PCMTD1: variants seen among roughly 807,000 people sequenced by gnomAD.
The protein encoded by PCMTD1 is protein-L-isoaspartate (D-aspartate) O-methyltransferase domain containing 1.
PCMTD1 carries 12 observed loss-of-function variants against 37.6 expected under a neutral mutation model. The ratio of observed to expected loss-of-function variants is 0.32; its 90% CI spans 0.20 to 0.52. The LOEUF is 0.52. Ranked by LOEUF, PCMTD1 falls within the 20% of genes least tolerant of loss-of-function variation. PCMTD1 has a pLI of 0.97. For synonymous variants in PCMTD1, 117 were observed against 135.8 expected (o/e 0.86, Z 0.96); for missense variants, 235 against 421.3 (o/e 0.56, Z 3.87).
At chr8:51,885,314 C>T (rs1473576153) in intron 1 of PCMTD1, among the ~76,000 whole-genome samples, 1 of 152,188 alleles carries the variant, frequency 6.6e-6, no homozygotes, top group Non-Finnish European at 1.5e-5. Context: ...CCTGTCACCA[C>T]ATTTTCTGTG....
chr8:51,871,851 T>A (rs1035746715), intron 1 of PCMTD1, among the ~76,000 whole-genome samples: 2 of 152,202 alleles, frequency 1.3e-5, no homozygotes, highest in Non-Finnish European at 2.9e-5. Context: ...TTGACTATCT[T>A]TCTTCCCCTA....
intron 5 of PCMTD1, among the ~76,000 whole-genome samples, chr8:51,830,000 C>T (rs971230534): frequency 5.3e-5 from 8 of 152,122 alleles, no homozygotes; most frequent in African/African-American, 1.9e-4. Context: ...CTAAGTCAAA[C>T]CAATTAATAC....
chr8:51,822,138 G>C (rs2037857894), intron 5 of PCMTD1, among the ~76,000 whole-genome samples: 1 of 152,172 alleles, frequency 6.6e-6, no homozygotes, highest in Non-Finnish European at 1.5e-5. Flanking sequence ...TGCGGGCAGA[G>C]GGAACCTAAA....
chr8:51,857,405 CAAGAAA>C (rs1295070391), intron 2 of PCMTD1, among the ~76,000 whole-genome samples: 1 of 152,048 alleles, frequency 6.6e-6, no homozygotes, highest in African/African-American at 2.4e-5. Context: ...ATGGTTTATA[CAAGAAA>C]ATGAAAATGA....
intron 1 of PCMTD1, among the ~76,000 whole-genome samples, chr8:51,896,550 A>G (rs1440515363): frequency 6.6e-6 from 1 of 152,210 alleles, no homozygotes; most frequent in Admixed American, 6.5e-5. Context: ...ACAATTTACA[A>G]TAACATCCCA....
rs551230906 is a variant in PCMTD1 at position 51,827,380 on chromosome 8, A to G, written c.706+4064T>C. 460 of 739,014 alleles carry G rather than the reference A, an allele frequency of 6.2e-4. 1 individual carries two copies. The highest frequency in any genetic ancestry group is 1.2e-3 in the South Asian group (86 of 69,580). The allele number at this position is 739,014 out of a possible 1,614,324, so 45.8% of individuals were successfully genotyped here. On this transcript the variant is annotated intron_variant, in intron 5 of 5. Coordinates refer to ENST00000522514, the MANE Select transcript of PCMTD1 (RefSeq NM_052937.4). ...CCAAGGTCTGAAAATATTAAATGGA[A>G]AAATTGAGAAATAAGCAATTCATAT...
chr8:51,824,257 G>A (rs1400485709), intron 5 of PCMTD1, among the ~76,000 whole-genome samples: 4 of 152,160 alleles, frequency 2.6e-5, no homozygotes, highest in African/African-American at 9.7e-5. Context: ...AAGTCAAATT[G>A]TCTCTGTTTG....
chr8:51,892,618 G>C (rs1390104086), intron 1 of PCMTD1, among the ~76,000 whole-genome samples: 1 of 152,172 alleles, frequency 6.6e-6, no homozygotes, highest in Non-Finnish European at 1.5e-5. Flanking sequence ...GAAACTAAAT[G>C]CTCATTAGTA....
intron 1 of PCMTD1, among the ~76,000 whole-genome samples, chr8:51,893,884 T>C (rs1585864842): frequency 6.6e-6 from 1 of 152,340 alleles, no homozygotes; most frequent in South Asian, 2.1e-4. Flanking sequence ...TTACCAGTGA[T>C]CATTTTCATA....
intron 1 of PCMTD1, among the ~76,000 whole-genome samples, chr8:51,879,947 C>A (rs979837925): frequency 4.6e-4 from 70 of 152,004 alleles, no homozygotes; most frequent in African/African-American, 1.6e-3. Context: ...CCTTGGAATG[C>A]CAAGGCTGGA....
chr8:51,860,031 T>A (rs928908563), intron 2 of PCMTD1, among the ~76,000 whole-genome samples: 1 of 152,202 alleles, frequency 6.6e-6, no homozygotes, highest in Non-Finnish European at 1.5e-5. Flanking sequence ...TCATCCTCCA[T>A]CCAACATAAT....
chr8:51,855,175 A>C (rs1411818476), intron 2 of PCMTD1, among the ~76,000 whole-genome samples: 1 of 138,678 alleles, frequency 7.2e-6, no homozygotes, highest in African/African-American at 2.7e-5. Flanking sequence ...ACTCCATCTC[A>C]AAAAAAAAAA....
At chr8:51,862,115 A>C (rs1409958631) in intron 1 of PCMTD1, among the ~76,000 whole-genome samples, 1 of 152,226 alleles carries the variant, frequency 6.6e-6, no homozygotes, top group Non-Finnish European at 1.5e-5. Flanking sequence ...AGTTGATTTT[A>C]AATTTCTGAA....
intron 3 of PCMTD1, chr8:51,839,416 C>A: frequency 1.0e-6 from 1 of 981,716 alleles, no homozygotes; most frequent in Non-Finnish European, 1.2e-6. Flanking sequence ...GAAGACTTGC[C>A]CAAAATAACA....
intron 4 of PCMTD1, among the ~76,000 whole-genome samples, chr8:51,831,800 C>T (rs903317562): frequency 1.3e-5 from 2 of 152,148 alleles, no homozygotes; most frequent in Non-Finnish European, 2.9e-5. Context: ...TCAAATATGG[C>T]CAAGTGAGTC....
intron 4 of PCMTD1, among the ~76,000 whole-genome samples, chr8:51,833,209 C>A (rs538952619): frequency 2.0e-5 from 3 of 152,100 alleles, no homozygotes; most frequent in Admixed American, 2.0e-4. Flanking sequence ...TAGTAGAGAT[C>A]ATCACATTCA....
chr8:51,842,000 A>C, intron 3 of PCMTD1, among the ~76,000 whole-genome samples: 1 of 151,438 alleles, frequency 6.6e-6, no homozygotes, highest in East Asian at 1.9e-4. Context: ...GAGACCATCT[A>C]GCTTAGCAAG....
intron 1 of PCMTD1, among the ~76,000 whole-genome samples, chr8:51,886,798 C>T (rs1262094861): frequency 6.6e-6 from 1 of 152,100 alleles, no homozygotes; most frequent in Non-Finnish European, 1.5e-5. Flanking sequence ...GGCTTAAAAC[C>T]ACACAAGTTT....
intron 5 of PCMTD1, among the ~76,000 whole-genome samples, chr8:51,821,740 GTT>G (rs1162378729): frequency 6.8e-6 from 1 of 147,068 alleles, no homozygotes; most frequent in Non-Finnish European, 1.5e-5. Context: ...TTCTGGTTTT[GTT>G]TTTTTTTTTT....
Sources: gnomAD v4.1 joint callset for allele counts (sites outside exome capture counted in the v4.1 genomes callset) on GRCh38, gnomAD v4.1.1 for gene constraint, MANE v1.5 for transcripts, NCBI Gene and HGNC (gene_info 2026-07-23, HGNC 2026-07-21) for gene names.